Variants in DCBLD2 observed in about 807,000 individuals in gnomAD.
DCBLD2 encodes discoidin, CUB and LCCL domain-containing protein 2.
DCBLD2 carries 54 observed loss-of-function variants against 86.8 expected under a neutral mutation model. The ratio of observed to expected loss-of-function variants is 0.62; its 90% confidence interval spans 0.50 to 0.78. DCBLD2 has a LOEUF of 0.78. Among genes scored for constraint, DCBLD2 ranks in the 30% least tolerant of loss-of-function variants. The pLI is 0.00. For missense variants in DCBLD2, 908 were observed against 954.2 expected (o/e 0.95, Z 0.64); for synonymous variants, 354 against 341.3 (o/e 1.04, Z -0.41).
intron 3 of DCBLD2, among the ~76,000 whole-genome samples, chr3:98,847,484 C>T (rs1942747885): frequency 6.6e-6 from 1 of 152,154 alleles, no homozygotes; most frequent in Non-Finnish European, 1.5e-5. Context: ...TTTTGTTAGC[C>T]TTCACATCTT....
intron 3 of DCBLD2, among the ~76,000 whole-genome samples, chr3:98,840,735 T>G (rs1355550210): frequency 6.6e-6 from 1 of 152,142 alleles, no homozygotes; most frequent in South Asian, 2.1e-4. Flanking sequence ...CAAGCAATCC[T>G]CCCACGTCAA....
chr3:98,890,889 C>A (rs1392315838), intron 1 of DCBLD2, among the ~76,000 whole-genome samples: 1 of 152,066 alleles, frequency 6.6e-6, no homozygotes, highest in East Asian at 1.9e-4. Flanking sequence ...GCTCCAAAGT[C>A]TTCAATCTTA....
intron 3 of DCBLD2, among the ~76,000 whole-genome samples, chr3:98,840,544 T>G (rs1423780193): frequency 6.6e-6 from 1 of 152,234 alleles, no homozygotes; most frequent in Non-Finnish European, 1.5e-5. Context: ...TCACCGAGGC[T>G]AGAGTGCAGT....
intron 2 of DCBLD2, among the ~76,000 whole-genome samples, chr3:98,874,410 A>G (rs574558110): frequency 6.6e-6 from 1 of 152,314 alleles, no homozygotes; most frequent in South Asian, 2.1e-4. Flanking sequence ...CCAACAATGC[A>G]CAGTTATTTC....
chr3:98,844,239 T>C (rs369570947), intron 3 of DCBLD2, among the ~76,000 whole-genome samples: 119 of 152,250 alleles, frequency 7.8e-4, no homozygotes, highest in African/African-American at 2.7e-3. Flanking sequence ...TTGAACAGAT[T>C]CAAAAACAGA....
intron 3 of DCBLD2, among the ~76,000 whole-genome samples, chr3:98,845,811 G>A (rs1942710520): frequency 6.6e-6 from 1 of 152,180 alleles, no homozygotes; most frequent in South Asian, 2.1e-4. Context: ...TCAGGTTTTT[G>A]CACCTGCTGT....
chr3:98,867,991 G>A (rs1334468745), intron 2 of DCBLD2, among the ~76,000 whole-genome samples: 2 of 151,998 alleles, frequency 1.3e-5, no homozygotes, highest in African/African-American at 4.8e-5. Flanking sequence ...TTTCAGTAGA[G>A]ACGGGGTTTC....
rs750995343 is a variant in DCBLD2 at position 98,901,227 on chromosome 3, G to A, written c.100C>T (p.Arg34Cys). 2.1e-5 allele frequency: 33 copies of A among 1,534,916 alleles called. No homozygotes were observed. Among genetic ancestry groups the A allele is most frequent in the Admixed American group, 3.9e-5 (2 of 51,004 alleles). The stretch of plus-strand genomic sequence containing the variant: ...GAGTTGGAGCAGGGAGGGAGGGAGC[G>A]GGAGAGGGGGAGCGCGGCCCAGGCG... ...APAWAALPLSRSLPPCSNSSS... is the reference protein window; with the variant it reads ...APAWAALPLSCSLPPCSNSSS... The change falls in exon 1 of 16, where the codon CGC (arginine) becomes TGC (cysteine). Residue 34 changes from arginine to cysteine, a missense_variant. Arg to Cys is a radical substitution (Grantham distance 180). Coordinates refer to ENST00000326840, the MANE Select transcript of DCBLD2 (RefSeq NM_080927.4).
intron 1 of DCBLD2, among the ~76,000 whole-genome samples, chr3:98,900,426 T>C (rs1029809286): frequency 6.6e-6 from 1 of 152,058 alleles, no homozygotes; most frequent in African/African-American, 2.4e-5. Context: ...AAGTATTTAA[T>C]AAACAGTTTT....
rs938822893 is a variant in DCBLD2, at chr3:98,797,057, T to C, written c.*2315A>G. On this transcript the variant is annotated 3_prime_UTR_variant, in exon 16 of 16. Coordinates refer to ENST00000326840, the MANE Select transcript of DCBLD2 (RefSeq NM_080927.4). ...GTAGTAAAAAAAAAAAAAAAAAAAA[T>C]AGAAAACCTCTACTATAAAAACCAA... 8.2e-6 allele frequency: 1 copy of C among 122,346 alleles called. No homozygotes were observed. Among genetic ancestry groups the C allele is most frequent in the Non-Finnish European group, 1.7e-5 (1 of 57,174 alleles). 7.6% of individuals were successfully genotyped at this position (122,346 alleles called of 1,614,324 possible).
intron 3 of DCBLD2, among the ~76,000 whole-genome samples, chr3:98,828,307 C>G (rs1407436471): frequency 6.6e-6 from 1 of 152,000 alleles, no homozygotes; most frequent in Non-Finnish European, 1.5e-5. Flanking sequence ...AATGATATAT[C>G]AATGAAAACA....
intron 1 of DCBLD2, 82 bp from the exon 2 acceptor site, chr3:98,881,849 A>T: frequency 7.4e-7 from 1 of 1,345,838 alleles, no homozygotes; most frequent in Non-Finnish European, 1.0e-6. Flanking sequence ...AAGATTTAAA[A>T]ATATGCACGA....
At position 98,901,439 on chromosome 3, in the gene DCBLD2, C is replaced by T. The variant is rs1182924482; in HGVS notation, c.-113G>A. Reference sequence around the variant, plus strand: ...GCAGCGGCGGGAGAACAAGAGGCAGCCCTCGCCTCACCCCGCGCCGGGACC... The same window carrying T: ...GCAGCGGCGGGAGAACAAGAGGCAGTCCTCGCCTCACCCCGCGCCGGGACC... On this transcript the variant is annotated 5_prime_UTR_variant, in exon 1 of 16. Transcript: ENST00000326840. 6.5e-5 allele frequency: 71 copies of T among 1,098,016 alleles called. No homozygotes were observed. The highest frequency in any genetic ancestry group is 3.3e-4 in the Middle Eastern group (1 of 2,990). The allele number at this position is 1,098,016 out of a possible 1,614,324, so 68.0% of individuals were successfully genotyped here.
intron 2 of DCBLD2, among the ~76,000 whole-genome samples, chr3:98,863,718 T>C (rs1943088626): frequency 6.6e-6 from 1 of 152,168 alleles, no homozygotes; most frequent in South Asian, 2.1e-4. Context: ...TAACTCAAGA[T>C]GGATTAAAGA....
chr3:98,822,548 TA>T lies in DCBLD2; in HGVS notation c.696+120del, dbSNP rs1284197507. 5.6e-6 allele frequency: 7 copies of T among 1,244,370 alleles called. No individual in the cohort carries two copies. The African/African-American group carries it at 6.1e-5, about 11-fold the overall frequency. The allele number at this position is 1,244,370 out of a possible 1,614,324, so 77.1% of individuals were successfully genotyped here. A position where few individuals can be genotyped will look rare whatever the true frequency, so the allele number is the denominator to read the frequency against. ...AGAAAAAGAATAAAACACATATGATTAAAAAATGTCTTAAAAAGGCAAAAGA... is the reference window on the plus strand; with the variant it reads ...AGAAAAAGAATAAAACACATATGATTAAAAATGTCTTAAAAAGGCAAAAGA... On this transcript the variant is annotated intron_variant, in intron 5 of 15. Transcript: ENST00000326840.
intron 2 of DCBLD2, among the ~76,000 whole-genome samples, chr3:98,875,956 A>G (rs1425340742): frequency 2.0e-5 from 3 of 152,178 alleles, no homozygotes; most frequent in South Asian, 2.1e-4. Context: ...CCACTATGAA[A>G]AAAATGGGTA....
chr3:98,814,636 A>C (rs1941990615), intron 9 of DCBLD2: 1 of 152,220 alleles, frequency 6.6e-6, no homozygotes, highest in Non-Finnish European at 1.5e-5. Context: ...TTTTCTAAAA[A>C]CAAAACCAAA....
In DCBLD2 at chr3:98,799,456, C is replaced by A. The variant is rs762214839; in HGVS notation, c.2244G>T (p.Leu748Phe). 3.5e-5 allele frequency: 56 copies of A among 1,613,836 alleles called. No homozygotes were observed. In the Admixed American group the frequency reaches 9.2e-4, roughly 26 times the overall value. ...GTGTGCTCTGTGGCACCTGGTACACCAATTCGTCTGGGGCAGGTAGACCTG... is the reference window on the plus strand; with the variant it reads ...GTGTGCTCTGTGGCACCTGGTACACAAATTCGTCTGGGGCAGGTAGACCTG... ...GKPGLPAPDE[L>F]VYQVPQSTQE... Residue 748 changes from leucine to phenylalanine, a missense_variant, in exon 16 of 16, where the codon TTG (leucine) becomes TTT (phenylalanine). Physicochemically the swap from Leu to Phe is conservative, Grantham distance 22. Coordinates refer to ENST00000326840, the MANE Select transcript of DCBLD2 (RefSeq NM_080927.4).
In DCBLD2 at chr3:98,851,535, T is replaced by A. The variant is rs546665920; in HGVS notation, c.434-1937A>T. ...GCCCAAATGTATAGATTCAATGCTA[T>A]CCCCATCAAGCTACCATTGACTTTC... is the stretch of plus-strand genomic sequence containing the variant. On this transcript the variant is annotated intron_variant, in intron 2 of 15. Coordinates refer to ENST00000326840, the MANE Select transcript of DCBLD2 (RefSeq NM_080927.4). Among the ~76,000 whole-genome samples, 7 of 152,248 alleles carry A rather than the reference T, an allele frequency of 4.6e-5. No individual in the cohort carries two copies. The South Asian group carries it at 1.5e-3, about 32-fold the overall frequency.
Sources: allele counts gnomAD v4.1 joint callset (sites outside exome capture counted in the v4.1 genomes callset), GRCh38; gene constraint gnomAD v4.1.1; transcripts MANE v1.5; gene names NCBI Gene and HGNC (gene_info 2026-07-23, HGNC 2026-07-21).